The following CRYBG3 variants were observed in gnomAD, a reference collection of about 807,000 sequenced individuals.
CRYBG3 encodes the protein very large A-kinase anchor protein.
Under a neutral mutation model 244.2 loss-of-function variants are expected in CRYBG3, and 127 were observed. The ratio of observed to expected loss-of-function variants is 0.52; its 90% confidence interval spans 0.45 to 0.60. CRYBG3 has a LOEUF of 0.60. Ranked by LOEUF, CRYBG3 falls within the 20% of genes least tolerant of loss-of-function variation. The pLI, the probability that CRYBG3 is intolerant of heterozygous loss-of-function variation, is 0.00. For synonymous variants in CRYBG3, 1,132 were observed against 1,195.8 expected (o/e 0.95, Z 1.10); for missense variants, 3,325 against 3,442.5 (o/e 0.97, Z 0.85).
chr3:97,874,598 A>G lies in CRYBG3; in HGVS notation c.3404A>G (p.Lys1135Arg), dbSNP rs1236546981. ...FQEHFGIYTG[K>R]ISIDFPTAAQ... is the part of the protein sequence containing the mutation. ...GAACATTTTGGGATTTATACTGGGA[A>G]GATATCCATTGATTTCCCAACTGCT... is the stretch of plus-strand genomic sequence containing the variant. Residue 1135 changes from lysine to arginine, a missense_variant, in exon 4 of 22, where the codon AAG becomes AGG. Coordinates refer to ENST00000389622, the MANE Select transcript of CRYBG3 (RefSeq NM_153605.4). 6.5e-7 allele frequency: 1 copy of G among 1,536,054 alleles called. No homozygotes were observed.
Position 97,889,389 on chromosome 3 carries a change from AG to A in CRYBG3, c.7440+1del. The A allele has an allele frequency of 1.2e-6, 2 of 1,608,896 alleles. No homozygotes were observed. Among genetic ancestry groups the A allele is most frequent in the Non-Finnish European group, 1.7e-6 (2 of 1,175,430 alleles). On this transcript the variant is annotated frameshift_variant and splice_region_variant, in exon 10 of 22. Transcript: ENST00000389622. LOFTEE classifies it high-confidence loss of function. ...GLKVEMPMNL[K>X]VIIYEKPHFH... ...AAAGTGGAAATGCCCATGAACTTAA[AG>A]GTAAGTCTTGGACTGATTTTTGTAG... is the stretch of plus-strand genomic sequence containing the variant.
rs920696553 is a variant in CRYBG3 at position 97,912,097 on chromosome 3, G to A, written c.8005-70G>A. The A allele has an allele frequency of 7.3e-6, 5 of 682,290 alleles. No individual in the cohort carries two copies. The African/African-American group carries it at 9.3e-5, about 13-fold the overall frequency. 42.3% of individuals were successfully genotyped at this position (682,290 alleles called of 1,614,324 possible). On this transcript the variant is annotated intron_variant, in intron 15 of 21. Coordinates refer to ENST00000389622, the MANE Select transcript of CRYBG3 (RefSeq NM_153605.4). ...ATTTTATAAATTCATGAAATTAAAGGTTTTTATTTGCTCGTGATCATCTAA... is the reference window on the plus strand; with the variant it reads ...ATTTTATAAATTCATGAAATTAAAGATTTTTATTTGCTCGTGATCATCTAA...
In CRYBG3 at chr3:97,872,225, A is replaced by G. The variant is rs2039313410; in HGVS notation, c.1031A>G (p.Asn344Ser). Residue 344 changes from asparagine to serine, a missense_variant, in exon 4 of 22, where the codon AAT becomes AGT. Physicochemically the swap from Asn to Ser is conservative, Grantham distance 46 (BLOSUM62 1). Transcript: ENST00000389622. Reference protein sequence around the residue: ...NKNAWGSIERNRSSPSSVTNS... With the variant: ...NKNAWGSIERSRSSPSSVTNS... ...AATGCTTGGGGGAGTATTGAGAGAA[A>G]TAGGTCATCCCCTTCTTCTGTGACT... 1.3e-6 allele frequency: 2 copies of G among 1,535,760 alleles called. No homozygotes were observed. Among genetic ancestry groups the G allele is most frequent in the East Asian group, 2.4e-5 (1 of 40,920 alleles).
intron 1 of CRYBG3, among the ~76,000 whole-genome samples, chr3:97,841,224 GTA>G (rs1283697315): frequency 1.4e-5 from 2 of 143,288 alleles, no homozygotes; most frequent in African/African-American, 2.5e-5. Flanking sequence ...ATATGTATAT[GTA>G]TATATGTGTG....
In CRYBG3 at chr3:97,877,137, C is replaced by T. The variant is rs371974066; in HGVS notation, c.5943C>T (p.Asp1981=). ...AGAGGAGAGAGACAGATTATAGTGA[C>T]AAAGGATATAATTTAGCTTTTGTTT... ...YDKRRETDYS[D]KGYNLAFVSQ... The change falls in exon 4 of 22, where the codon GAC becomes GAT. Residue 1981 remains aspartate, a synonymous_variant. Coordinates refer to ENST00000389622, the MANE Select transcript of CRYBG3 (RefSeq NM_153605.4). The T allele has an allele frequency of 5.0e-5, 80 of 1,613,838 alleles. 2 individuals are homozygous for T. The highest frequency in any genetic ancestry group is 4.9e-4 in the African/African-American group (37 of 75,026).
Position 97,822,171 on chromosome 3 carries a change from C to A in CRYBG3, c.-36C>A. 6.7e-7 allele frequency: 1 copy of A among 1,488,762 alleles called. No individual in the cohort carries two copies. The highest frequency in any genetic ancestry group is 8.9e-7 in the Non-Finnish European group (1 of 1,123,882). The allele number at this position is 1,488,762 out of a possible 1,614,324, so 92.2% of individuals were successfully genotyped here. The stretch of plus-strand genomic sequence containing the variant: ...CACCAGGCAACACCTAGGCCGTTCC[C>A]TTCAGACAGCCCCGGGCCAGCGGCC... On this transcript the variant is annotated 5_prime_UTR_variant, in exon 1 of 22. Coordinates refer to ENST00000389622, the MANE Select transcript of CRYBG3 (RefSeq NM_153605.4).
intron 2 of CRYBG3, among the ~76,000 whole-genome samples, chr3:97,861,544 A>T (rs1162815970): frequency 6.6e-6 from 1 of 152,188 alleles, no homozygotes; most frequent in Non-Finnish European, 1.5e-5. Context: ...ATTACAACAT[A>T]TTGAACATGA....
intron 15 of CRYBG3, among the ~76,000 whole-genome samples, chr3:97,911,847 G>GGACC (rs2039876309): frequency 6.6e-6 from 1 of 152,128 alleles, no homozygotes; most frequent in Non-Finnish European, 1.5e-5. Flanking sequence ...AGAGAATAAA[G>GGACC]GACCACATGT....
intron 2 of CRYBG3, among the ~76,000 whole-genome samples, chr3:97,853,416 C>G (rs1204980491): frequency 1.3e-5 from 2 of 151,340 alleles, no homozygotes; most frequent in Non-Finnish European, 3.0e-5. Flanking sequence ...TACACACACA[C>G]ACACACACAC....
chr3:97,937,771 G>A (rs116723777), intron 19 of CRYBG3, among the ~76,000 whole-genome samples: 1,886 of 152,168 alleles, frequency 0.012, 39 homozygotes, highest in African/African-American at 0.043. Context: ...TGTAGGAGCT[G>A]AGGAACTATT....
intron 3 of CRYBG3, among the ~76,000 whole-genome samples, chr3:97,869,251 G>A (rs1341414486): frequency 6.6e-6 from 1 of 151,716 alleles, no homozygotes; most frequent in Non-Finnish European, 1.5e-5. Flanking sequence ...AACTTTTGGG[G>A]TTTTGTTGGT....
chr3:97,942,042 A>G (rs1022348132), intron 20 of CRYBG3: 5 of 312,230 alleles, frequency 1.6e-5, no homozygotes, highest in African/African-American at 4.3e-5. Context: ...TGTCAGATGT[A>G]GACATCCTAT....
chr3:97,857,818 C>T (rs545989833), intron 2 of CRYBG3, among the ~76,000 whole-genome samples: 2 of 152,016 alleles, frequency 1.3e-5, no homozygotes, highest in South Asian at 2.1e-4. Context: ...TTTACATTTA[C>T]GGTTATTATT....
chr3:97,842,301 G>T (rs1020083340), intron 1 of CRYBG3, among the ~76,000 whole-genome samples: 5 of 152,244 alleles, frequency 3.3e-5, no homozygotes, highest in African/African-American at 1.2e-4. Flanking sequence ...AGTGACTCCT[G>T]CCTGTAATCC....
intron 15 of CRYBG3, among the ~76,000 whole-genome samples, chr3:97,903,464 C>T (rs928224855): frequency 5.9e-5 from 9 of 151,902 alleles, no homozygotes; most frequent in Non-Finnish European, 1.2e-4. Context: ...ATATATAACA[C>T]TACAATATGA....
chr3:97,862,374 A>G (rs1271991275), intron 2 of CRYBG3, among the ~76,000 whole-genome samples: 4 of 152,138 alleles, frequency 2.6e-5, no homozygotes, highest in Non-Finnish European at 5.9e-5. Context: ...AAGGATATTT[A>G]TGATATTTTA....
At chr3:97,929,274 A>T (rs1428844512) in intron 17 of CRYBG3, among the ~76,000 whole-genome samples, 1 of 147,534 alleles carries the variant, frequency 6.8e-6, no homozygotes, top group African/African-American at 2.5e-5. Context: ...GTAATCAAAT[A>T]TTTTTTTTTT....
chr3:97,924,622 G>A (rs1368050772), intron 17 of CRYBG3, among the ~76,000 whole-genome samples: 4 of 152,004 alleles, frequency 2.6e-5, no homozygotes, highest in Non-Finnish European at 5.9e-5. Context: ...AGCTTCTAGA[G>A]GCCACCAGCA....
intron 1 of CRYBG3, among the ~76,000 whole-genome samples, chr3:97,832,904 G>A (rs1418598881): frequency 6.6e-6 from 1 of 152,020 alleles, no homozygotes; most frequent in Non-Finnish European, 1.5e-5. Flanking sequence ...AGTGCACAAA[G>A]GATATGAAGA....
Sources: gnomAD v4.1 joint callset for allele counts (sites outside exome capture counted in the v4.1 genomes callset) on GRCh38, gnomAD v4.1.1 for gene constraint, MANE v1.5 for transcripts, NCBI Gene and HGNC (gene_info 2026-07-23, HGNC 2026-07-21) for gene names.